The following KALRN variants were observed in gnomAD, a reference collection of about 807,000 sequenced individuals.
KALRN encodes kalirin RhoGEF kinase.
Under a neutral mutation model 353.7 loss-of-function variants are expected in KALRN, and 70 were observed. That is an observed-to-expected ratio of 0.20 (90% confidence interval 0.16 to 0.24). The LOEUF is 0.24. KALRN is among the 10% of genes least tolerant of loss of function. The pLI, the probability that KALRN is intolerant of heterozygous loss-of-function variation, is 1.00. For synonymous variants in KALRN, 1,391 were observed against 1,434.8 expected (o/e 0.97, Z 0.69); for missense variants, 2,791 against 3,756.7 (o/e 0.74, Z 6.72).
In KALRN at chr3:124,400,639, C is replaced by G. The variant is rs2090738607; in HGVS notation, c.2346+1768C>G. Among the ~76,000 whole-genome samples the G allele has an allele frequency of 6.6e-5, 10 of 152,134 alleles. 1 individual carries two copies. The South Asian group carries it at 2.1e-3, about 32-fold the overall frequency. ...GTGTATGTAGTGAACATTGTAAAGG[C>G]AGGGTAACAAGGTAATAAAGAGATA... On this transcript the variant is annotated intron_variant, in intron 13 of 59. Transcript: ENST00000682506.
chr3:124,209,868 G>T (rs1333204921), intron 1 of KALRN, among the ~76,000 whole-genome samples: 1 of 152,100 alleles, frequency 6.6e-6, no homozygotes, highest in African/African-American at 2.4e-5. Flanking sequence ...TCATCTCCAG[G>T]GTTCCCTTTA....
chr3:124,076,027 C>T (rs2149291281), intron 1 of KALRN, among the ~76,000 whole-genome samples: 1 of 152,314 alleles, frequency 6.6e-6, no homozygotes, highest in Non-Finnish European at 1.5e-5. Context: ...CACGCCATCT[C>T]GCTACTGGCC....
intron 57 of KALRN, among the ~76,000 whole-genome samples, chr3:124,705,849 TTCCC>T (rs1183890696): frequency 1.4e-5 from 2 of 147,682 alleles, no homozygotes; most frequent in South Asian, 2.3e-4. Flanking sequence ...CCTTCCTTCC[TTCCC>T]TCCCTCCCTT....
chr3:124,584,975 T>A, intron 34 of KALRN: 1 of 1,445,356 alleles, frequency 6.9e-7, no homozygotes, highest in Non-Finnish European at 9.3e-7. Context: ...CGAGGGAGGG[T>A]GGTAGGGAGG....
intron 34 of KALRN, among the ~76,000 whole-genome samples, chr3:124,626,396 G>A (rs2079958321): frequency 6.6e-6 from 1 of 151,952 alleles, no homozygotes; most frequent in East Asian, 1.9e-4. Context: ...GAGTAAATAT[G>A]GAAAAATGTT....
intron 49 of KALRN, 49 bp from the exon 50 acceptor site, chr3:124,678,141 C>T (rs371675534): frequency 1.1e-5 from 17 of 1,603,208 alleles, no homozygotes; most frequent in South Asian, 8.8e-5. Flanking sequence ...CCCTCCACAT[C>T]GCTGTCCCTG....
chr3:124,604,567 C>CT (rs1166808305), intron 34 of KALRN, among the ~76,000 whole-genome samples: 1 of 152,152 alleles, frequency 6.6e-6, no homozygotes, highest in African/African-American at 2.4e-5. Flanking sequence ...AATTATTCCA[C>CT]TAAGGGGAAT....
At chr3:124,697,456 G>T (rs2062107277) in intron 54 of KALRN, 137 bp from the exon 55 acceptor site, 3 of 780,488 alleles carry the variant, frequency 3.8e-6, no homozygotes, top group Non-Finnish European at 5.9e-6. Flanking sequence ...CTGGAGAAAG[G>T]TATGCCACTT....
intron 1 of KALRN, among the ~76,000 whole-genome samples, chr3:124,122,712 C>G (rs2064169265): frequency 6.6e-6 from 1 of 152,256 alleles, no homozygotes; most frequent in South Asian, 2.1e-4. Context: ...TCTAACTGCT[C>G]CACCTACCAG....
intron 5 of KALRN, among the ~76,000 whole-genome samples, chr3:124,272,445 A>AT (rs1338806353): frequency 1.3e-5 from 2 of 152,092 alleles, no homozygotes; most frequent in Admixed American, 6.5e-5. Flanking sequence ...TAAAGACGTG[A>AT]TTTTTTTCCC....
chr3:124,119,040 C>T (rs747719278), intron 1 of KALRN, among the ~76,000 whole-genome samples: 1 of 152,206 alleles, frequency 6.6e-6, no homozygotes, highest in Non-Finnish European at 1.5e-5. Flanking sequence ...CTCTCAACCC[C>T]CACCTTGTTT....
intron 34 of KALRN, among the ~76,000 whole-genome samples, chr3:124,587,143 T>A (rs13065485): frequency 5.9e-5 from 9 of 151,976 alleles, no homozygotes; most frequent in Admixed American, 5.2e-4. Context: ...TGCAGGGGAC[T>A]GACTGCCTCC....
intron 33 of KALRN, among the ~76,000 whole-genome samples, chr3:124,552,797 C>T (rs1439695809): frequency 6.6e-6 from 1 of 152,210 alleles, no homozygotes. Flanking sequence ...TGGAGTTTCA[C>T]TCTTGTCGCC....
At chr3:124,567,983 A>G (rs2073063599) in intron 34 of KALRN, among the ~76,000 whole-genome samples, 1 of 149,426 alleles carries the variant, frequency 6.7e-6, no homozygotes, top group Non-Finnish European at 1.5e-5. Flanking sequence ...TCAGGGGGAA[A>G]AAAAAAGAAG....
At position 124,325,985 on chromosome 3, in the gene KALRN, C is replaced by T. The variant is rs776721350; in HGVS notation, c.1098C>T (p.Ala366=). Residue 366 remains alanine, a synonymous_variant, in exon 7 of 60, where the codon GCC becomes GCT. Transcript: ENST00000682506. ...CACTCTCCTTTTCTTTCCAGAATGC[C>T]TATGTCAACATCAACCGCATCATGT... ...HNHFAMNSMN[A]YVNINRIMSV... is the part of the protein sequence containing the mutation. 8.7e-6 allele frequency: 14 copies of T among 1,612,830 alleles called. No homozygotes were observed. The highest frequency in any genetic ancestry group is 2.2e-5 in the East Asian group (1 of 44,882).
intron 58 of KALRN, among the ~76,000 whole-genome samples, chr3:124,715,576 CA>C (rs1267345046): frequency 6.6e-6 from 1 of 152,232 alleles, no homozygotes; most frequent in African/African-American, 2.4e-5. Context: ...TCACCCTTAG[CA>C]GGGTCAGAGG....
chr3:124,399,654 AG>A (rs1400704880), intron 13 of KALRN, among the ~76,000 whole-genome samples: 1 of 152,230 alleles, frequency 6.6e-6, no homozygotes, highest in African/African-American at 2.4e-5. Flanking sequence ...CGCCACAGGA[AG>A]GGGAACCTGT....
chr3:124,496,287 G>GT (rs768111540), intron 32 of KALRN, 24 bp from the exon 33 acceptor site: 23 of 1,590,620 alleles, frequency 1.4e-5, no homozygotes, highest in East Asian at 2.2e-5. Flanking sequence ...CCCCACCCCT[G>GT]TTTTTTTTCT....
chr3:124,700,818 G>C (rs1427774062), intron 56 of KALRN, among the ~76,000 whole-genome samples: 1 of 152,064 alleles, frequency 6.6e-6, no homozygotes. Flanking sequence ...AGAGGGGTTT[G>C]GGAAACCCTC....
Sources: allele counts gnomAD v4.1 joint callset (sites outside exome capture counted in the v4.1 genomes callset), GRCh38; gene constraint gnomAD v4.1.1; transcripts MANE v1.5; gene names NCBI Gene and HGNC (gene_info 2026-07-23, HGNC 2026-07-21).